XKR9: variants seen among roughly 807,000 people sequenced by gnomAD.
XKR9 encodes the protein XK related 9, also known as XK-related protein 9.
Under a neutral mutation model 32.0 loss-of-function variants are expected in XKR9, and 32 were observed. The ratio of observed to expected loss-of-function variants is 1.00; its 90% CI spans 0.76 to 1.34. The LOEUF (loss-of-function observed/expected upper bound fraction) is 1.34. Ranked by LOEUF, XKR9 falls within the 40% of genes most tolerant of loss-of-function variation. The pLI is 0.00. For synonymous variants in XKR9, 168 were observed against 143.4 expected, an observed-to-expected ratio of 1.17 and a Z score of -1.22; for missense variants, 546 against 429.7, an observed-to-expected ratio of 1.27 and a Z score of -2.39.
chr8:70,708,750 C>T (rs1370948725), intron 4 of XKR9, among the ~76,000 whole-genome samples: 2 of 151,942 alleles, frequency 1.3e-5, no homozygotes, highest in Non-Finnish European at 2.9e-5. Context: ...TCCAAATTTT[C>T]TATAGTAACT....
chr8:70,902,822 A>G, the XKR9 span, among the ~76,000 whole-genome samples: 1 of 152,118 alleles, frequency 6.6e-6, no homozygotes, highest in Non-Finnish European at 1.5e-5. Flanking sequence ...TTGTTTATTG[A>G]GAGTTTTTAG....
the XKR9 span, among the ~76,000 whole-genome samples, chr8:70,822,548 A>G: frequency 2.7e-5 from 4 of 150,656 alleles, no homozygotes; most frequent in Non-Finnish European, 5.9e-5. Context: ...TTATATGTTT[A>G]TAATAATATA....
At chr8:70,815,272 T>G in the XKR9 span, among the ~76,000 whole-genome samples, 1 of 152,174 alleles carries the variant, frequency 6.6e-6, no homozygotes, top group African/African-American at 2.4e-5. Flanking sequence ...ACCACCAACG[T>G]ATTAAGCCTA....
chr8:70,958,830 T>G, the XKR9 span, among the ~76,000 whole-genome samples: 4 of 152,158 alleles, frequency 2.6e-5, no homozygotes, highest in Non-Finnish European at 5.9e-5. Flanking sequence ...TTACTTAGCT[T>G]CTGTAAGTCT....
chr8:70,900,562 C>T, the XKR9 span, among the ~76,000 whole-genome samples: 1 of 151,978 alleles, frequency 6.6e-6, no homozygotes, highest in Non-Finnish European at 1.5e-5. Context: ...GTACTCCAGC[C>T]TGGGCAAAAG....
the XKR9 span, among the ~76,000 whole-genome samples, chr8:71,037,424 A>C: frequency 3.9e-5 from 6 of 152,302 alleles, no homozygotes; most frequent in African/African-American, 1.4e-4. Context: ...CTAACAGAAC[A>C]TTTTCATTTT....
chr8:70,960,277 G>A, the XKR9 span, among the ~76,000 whole-genome samples: 1 of 151,960 alleles, frequency 6.6e-6, no homozygotes, highest in Non-Finnish European at 1.5e-5. Flanking sequence ...TTGCTTAGGA[G>A]TTAGAGTAGA....
At chr8:70,862,509 A>G in the XKR9 span, among the ~76,000 whole-genome samples, 1 of 141,962 alleles carries the variant, frequency 7.0e-6, no homozygotes, top group Admixed American at 7.0e-5. Flanking sequence ...AGTACAGATT[A>G]GGCTTTGAAT....
the XKR9 span, among the ~76,000 whole-genome samples, chr8:70,839,178 G>A: frequency 1.3e-5 from 2 of 152,010 alleles, no homozygotes; most frequent in East Asian, 1.9e-4. Context: ...TGACTTGGAG[G>A]TATGCTGGAA....
chr8:70,916,894 G>A, the XKR9 span, among the ~76,000 whole-genome samples: 1 of 150,548 alleles, frequency 6.6e-6, no homozygotes, highest in East Asian at 1.9e-4. Flanking sequence ...TCTTTCATGA[G>A]ATTTATCTCT....
the XKR9 span, among the ~76,000 whole-genome samples, chr8:71,041,482 T>C: frequency 6.6e-6 from 1 of 152,200 alleles, no homozygotes; most frequent in African/African-American, 2.4e-5. Flanking sequence ...AAAATTCCTA[T>C]GTGTTCACTA....
the XKR9 span, among the ~76,000 whole-genome samples, chr8:70,844,393 C>G: frequency 1.1e-4 from 17 of 152,194 alleles, no homozygotes; most frequent in African/African-American, 4.1e-4. Context: ...AACCCAAGAG[C>G]CTGAGAACTG....
At chr8:70,844,613 C>T in the XKR9 span, among the ~76,000 whole-genome samples, 3 of 152,194 alleles carry the variant, frequency 2.0e-5, no homozygotes, top group East Asian at 1.9e-4. Context: ...CCTGCTCACC[C>T]CTACTTCTCT....
the XKR9 span, among the ~76,000 whole-genome samples, chr8:70,903,195 G>C: frequency 6.6e-6 from 1 of 152,116 alleles, no homozygotes; most frequent in Non-Finnish European, 1.5e-5. Context: ...CTACTGATTG[G>C]TGTAGTTTCA....
At chr8:71,046,426 G>T in the XKR9 span, among the ~76,000 whole-genome samples, 1 of 152,142 alleles carries the variant, frequency 6.6e-6, no homozygotes, top group African/African-American at 2.4e-5. Flanking sequence ...CATGTCATTT[G>T]TCCTAACATT....
chr8:71,030,718 A>T, the XKR9 span, among the ~76,000 whole-genome samples: 1 of 152,188 alleles, frequency 6.6e-6, no homozygotes, highest in Non-Finnish European at 1.5e-5. Flanking sequence ...GTGGACATGG[A>T]GGAGAAGAGA....
the XKR9 span, among the ~76,000 whole-genome samples, chr8:70,860,546 AT>A: frequency 4.6e-5 from 7 of 152,054 alleles, no homozygotes; most frequent in Non-Finnish European, 1.0e-4. Context: ...TATAATATTC[AT>A]TTTTTATATA....
chr8:70,703,695 T>C (rs1186820589), intron 3 of XKR9, among the ~76,000 whole-genome samples: 1 of 152,210 alleles, frequency 6.6e-6, no homozygotes, highest in African/African-American at 2.4e-5. Flanking sequence ...TGTTTTCTTT[T>C]ATATTTTGTC....
intron 2 of XKR9, among the ~76,000 whole-genome samples, chr8:70,765,054 C>T (rs1807356638): frequency 6.6e-6 from 1 of 152,136 alleles, no homozygotes; most frequent in African/African-American, 2.4e-5. Flanking sequence ...AATAAACATA[C>T]ATGTGCATGT....
Sources: allele counts gnomAD v4.1 joint callset (sites outside exome capture counted in the v4.1 genomes callset), GRCh38; gene constraint gnomAD v4.1.1; transcripts MANE v1.5; gene names NCBI Gene and HGNC (gene_info 2026-07-23, HGNC 2026-07-21).